PPP1R2: variants seen among roughly 807,000 people sequenced by gnomAD.
PPP1R2 encodes protein phosphatase inhibitor 2.
In PPP1R2, 16 loss-of-function variants were observed where a neutral mutation model predicts 29.9. The ratio of observed to expected loss-of-function variants is 0.53; its 90% CI spans 0.36 to 0.81. The LOEUF (loss-of-function observed/expected upper bound fraction) is 0.81, where lower values mean the gene tolerates loss of function less well. Among genes scored for constraint, PPP1R2 ranks in the 30% least tolerant of loss-of-function variants. PPP1R2 has a pLI of 0.00. For synonymous variants in PPP1R2, 76 were observed against 91.5 expected (o/e 0.83, Z 0.96); for missense variants, 197 against 252.7 (o/e 0.78, Z 1.49).
chr3:195,541,787 A>G (rs1464380134), intron 1 of PPP1R2, among the ~76,000 whole-genome samples: 1 of 152,166 alleles, frequency 6.6e-6, no homozygotes, highest in Non-Finnish European at 1.5e-5. Context: ...GGGAGTTGCT[A>G]GACAAAAACT....
chr3:195,520,794 C>A (rs1034761109), intron 4 of PPP1R2, among the ~76,000 whole-genome samples: 1 of 152,038 alleles, frequency 6.6e-6, no homozygotes, highest in Non-Finnish European at 1.5e-5. Context: ...ACTGGAACTA[C>A]AGATGCGTGC....
At position 195,515,598 on chromosome 3, in the gene PPP1R2, C is replaced by T. The variant is rs953496591; in HGVS notation, c.*1298G>A. 27 of 152,322 alleles carry T rather than the reference C, an allele frequency of 1.8e-4. No homozygotes were observed. Among genetic ancestry groups the T allele is most frequent in the African/African-American group, 6.0e-4 (25 of 41,418 alleles). 9.4% of individuals were successfully genotyped at this position (152,322 alleles called of 1,614,324 possible). A position where few individuals can be genotyped will look rare whatever the true frequency, so the allele number is the denominator to read the frequency against. ...AAAAAATTCCACCTAATTCTTACTG[C>T]GTTAGAAGAATAAAGCACGTTTGTC... On this transcript the variant is annotated 3_prime_UTR_variant, in exon 6 of 6. Coordinates refer to ENST00000618156, the MANE Select transcript of PPP1R2 (RefSeq NM_006241.8).
intron 1 of PPP1R2, among the ~76,000 whole-genome samples, chr3:195,530,358 C>G (rs2641362): frequency 0.8 from 121,896 of 151,624 alleles, 49,247 homozygotes; most frequent in East Asian, 0.99. Context: ...AAGATTCAAA[C>G]AATAAAACTA....
At chr3:195,530,173 T>A (rs1719125833) in intron 1 of PPP1R2, among the ~76,000 whole-genome samples, 1 of 152,228 alleles carries the variant, frequency 6.6e-6, no homozygotes, top group South Asian at 2.1e-4. Flanking sequence ...TACCATACTA[T>A]GACATGCTTA....
intron 2 of PPP1R2, among the ~76,000 whole-genome samples, chr3:195,526,996 TG>T (rs367768655): frequency 3.6e-4 from 55 of 151,732 alleles, no homozygotes; most frequent in African/African-American, 1.3e-3. Flanking sequence ...TTGGCTAGGC[TG>T]GTCTTGAACT....
intron 1 of PPP1R2, among the ~76,000 whole-genome samples, chr3:195,530,796 T>C (rs531600144): frequency 6.6e-4 from 99 of 151,132 alleles, no homozygotes; most frequent in African/African-American, 2.4e-3. Flanking sequence ...AGTGCTGGGA[T>C]TACAGGTGTG....
In PPP1R2 at chr3:195,514,485, T is replaced by C. The variant is rs1304042153; in HGVS notation, c.*2411A>G. 1.3e-5 allele frequency: 2 copies of C among 152,160 alleles called. No individual in the cohort carries two copies. Among genetic ancestry groups the C allele is most frequent in the Non-Finnish European group, 2.9e-5 (2 of 68,036 alleles). 9.4% of individuals were successfully genotyped at this position (152,160 alleles called of 1,614,324 possible). A position where few individuals can be genotyped will look rare whatever the true frequency, so the allele number is the denominator to read the frequency against. ...GTGTATACTAACTGAAAGGGAAAAA[T>C]GTAAACAAAACCAAAGTCATGGGGA... On this transcript the variant is annotated 3_prime_UTR_variant, in exon 6 of 6. Transcript: ENST00000618156.
In PPP1R2 at chr3:195,528,702, A is replaced by ATTTTTTTTTTTT. The variant is rs1186534650; in HGVS notation, c.230+1080_230+1091dup. On this transcript the variant is annotated intron_variant, in intron 2 of 5. Transcript: ENST00000618156. Reference sequence around the variant, plus strand: ...AATACAAGGTAGGTAGGGCATAACTATTTTTTTTTTTTTTTTTTTTTTTTT... The same window carrying ATTTTTTTTTTTT: ...AATACAAGGTAGGTAGGGCATAACTATTTTTTTTTTTTTTTTTTTTTTTTTTTTTTTTTTTTT... 12 of 59,972 alleles carry ATTTTTTTTTTTT rather than the reference A, an allele frequency of 2.0e-4. 1 individual carries two copies. The highest frequency in any genetic ancestry group is 1.3e-3 in the South Asian group (2 of 1,572). The allele number at this position is 59,972 out of a possible 1,614,324, so 3.7% of individuals were successfully genotyped here.
chr3:195,535,244 C>T (rs1056202120), intron 1 of PPP1R2, among the ~76,000 whole-genome samples: 1 of 152,178 alleles, frequency 6.6e-6, no homozygotes. Flanking sequence ...CTATGAGAAT[C>T]TAATGTCACC....
chr3:195,536,942 G>T (rs960997033), intron 1 of PPP1R2, among the ~76,000 whole-genome samples: 3 of 151,938 alleles, frequency 2.0e-5, no homozygotes, highest in Admixed American at 2.0e-4. Flanking sequence ...GCAAGATAAG[G>T]ATTGAAGAAA....
intron 1 of PPP1R2, among the ~76,000 whole-genome samples, chr3:195,531,434 T>G (rs1024131526): frequency 6.6e-6 from 1 of 152,326 alleles, no homozygotes; most frequent in East Asian, 1.9e-4. Flanking sequence ...GAAATACCCT[T>G]TAAGAATAAC....
rs143523733 is a variant in PPP1R2, at chr3:195,532,563, G to A, written c.123-2662C>T. Among the ~76,000 whole-genome samples the A allele has an allele frequency of 4.1e-4, 62 of 152,124 alleles. No homozygotes were observed. In the East Asian group the frequency reaches 8.3e-3, roughly 20 times the overall value. On this transcript the variant is annotated intron_variant, in intron 1 of 5. Transcript: ENST00000618156. ...CAGAAAACAAAAAACAAATTTAACCGGGAGACAGACACTGAAGGTTCAAGT... is the reference window on the plus strand; with the variant it reads ...CAGAAAACAAAAAACAAATTTAACCAGGAGACAGACACTGAAGGTTCAAGT...
intron 4 of PPP1R2, among the ~76,000 whole-genome samples, chr3:195,522,790 G>A (rs1230800288): frequency 2.0e-5 from 3 of 152,166 alleles, no homozygotes; most frequent in Admixed American, 6.5e-5. Context: ...GCAGCTACAC[G>A]ACAAAGATCC....
At chr3:195,522,696 C>A (rs1198808092) in intron 4 of PPP1R2, among the ~76,000 whole-genome samples, 2 of 152,104 alleles carry the variant, frequency 1.3e-5, no homozygotes, top group Non-Finnish European at 2.9e-5. Flanking sequence ...TTCTCTCGTA[C>A]AAATATTAGG....
intron 1 of PPP1R2, among the ~76,000 whole-genome samples, chr3:195,538,847 A>G (rs1393208267): frequency 1.3e-5 from 2 of 152,216 alleles, no homozygotes; most frequent in African/African-American, 4.8e-5. Flanking sequence ...AATTCATTTA[A>G]TATTTAAACT....
Position 195,516,865 on chromosome 3 carries a change from A to G in PPP1R2, c.*31T>C. 1 of 1,596,502 alleles carries G rather than the reference A, an allele frequency of 6.3e-7. No homozygotes were observed. Among genetic ancestry groups the G allele is most frequent in the East Asian group, 2.2e-5 (1 of 44,714 alleles). The stretch of plus-strand genomic sequence containing the variant: ...ACTATAGTCACAGGGTTTACATCTA[A>G]CAAACAATTGCAGTGTTGAACAAAT... On this transcript the variant is annotated 3_prime_UTR_variant, in exon 6 of 6. Coordinates refer to ENST00000618156, the MANE Select transcript of PPP1R2 (RefSeq NM_006241.8).
rs1718477549 is a variant in PPP1R2, at chr3:195,514,594, C to A, written c.*2302G>T. 6.6e-6 allele frequency: 1 copy of A among 152,138 alleles called. No individual in the cohort carries two copies. Among genetic ancestry groups the A allele is most frequent in the Admixed American group, 6.6e-5 (1 of 15,260 alleles). The allele number at this position is 152,138 out of a possible 1,614,324, so 9.4% of individuals were successfully genotyped here. ...TTATGTCAAATTTTAGTCATCTCTG[C>A]AGAATTTTAGACAAATGAAAACAGA... On this transcript the variant is annotated 3_prime_UTR_variant, in exon 6 of 6. Transcript: ENST00000618156.
chr3:195,542,999 C>G lies in PPP1R2; in HGVS notation c.27G>C (p.Arg9=), dbSNP rs756281814. The G allele has an allele frequency of 2.5e-6, 4 of 1,601,586 alleles. No individual in the cohort carries two copies. In the African/African-American group the frequency reaches 5.4e-5, roughly 21 times the overall value. MAASTASH[R]PIKGILKNKT... is the part of the protein sequence containing the mutation. Reference sequence around the variant, plus strand: ...TGTTCTTCAAGATCCCCTTGATGGGCCGGTGCGAGGCCGTCGAGGCCGCCA... The same window carrying G: ...TGTTCTTCAAGATCCCCTTGATGGGGCGGTGCGAGGCCGTCGAGGCCGCCA... The change falls in exon 1 of 6, where the codon CGG becomes CGC. Residue 9 remains arginine (R), a synonymous_variant. Transcript: ENST00000618156.
intron 1 of PPP1R2, among the ~76,000 whole-genome samples, chr3:195,536,293 T>TAAA (rs10645669): frequency 1.7e-5 from 2 of 115,530 alleles, no homozygotes; most frequent in African/African-American, 6.8e-5. Flanking sequence ...ACCCTGTCTT[T>TAAA]AAAAAAAAAA....
Sources: allele counts gnomAD v4.1 joint callset (sites outside exome capture counted in the v4.1 genomes callset), GRCh38; gene constraint gnomAD v4.1.1; transcripts MANE v1.5; gene names NCBI Gene and HGNC (gene_info 2026-07-23, HGNC 2026-07-21).